The following ITPRID1 variants were observed in gnomAD, a reference collection of about 807,000 sequenced individuals.
The protein encoded by ITPRID1 is ITPR interacting domain containing 1, also known as protein ITPRID1.
ITPRID1 carries 96 observed loss-of-function variants against 95.4 expected under a neutral mutation model. That is an observed-to-expected ratio of 1.01 (90% CI 0.85 to 1.19). The LOEUF (loss-of-function observed/expected upper bound fraction) is 1.19. Ranked by LOEUF, ITPRID1 falls within the 50% of genes most tolerant of loss-of-function variation. The pLI is 0.00. For synonymous variants in ITPRID1, 510 were observed against 453.6 expected (o/e 1.12, Z -1.58); for missense variants, 1,339 against 1,252.9 (o/e 1.07, Z -1.04).
chr7:31,599,900 A>G lies in ITPRID1; in HGVS notation c.1228+16709A>G, dbSNP rs931167163. Among the ~76,000 whole-genome samples, 9 of 151,812 alleles carry G rather than the reference A, an allele frequency of 5.9e-5. No individual in the cohort carries two copies. In the South Asian group the frequency reaches 1.5e-3, roughly 25 times the overall value. ...TTTTTAGTGGAGACGGGGTTTCACT[A>G]TGTTAGCCAGGATGGTCTGGATCTC... On this transcript the variant is annotated intron_variant, in intron 10 of 14. Transcript: ENST00000615280.
At chr7:31,568,048 C>G (rs1420956558) in intron 5 of ITPRID1, among the ~76,000 whole-genome samples, 1 of 151,672 alleles carries the variant, frequency 6.6e-6, no homozygotes, top group Non-Finnish European at 1.5e-5. Flanking sequence ...ATCACTTGAA[C>G]TCGGGAGGCA....
chr7:31,533,949 C>T (rs761944328), intron 1 of ITPRID1, among the ~76,000 whole-genome samples: 2 of 152,134 alleles, frequency 1.3e-5, no homozygotes, highest in East Asian at 3.9e-4. Context: ...GGCGACCCAG[C>T]AGAAGGTGAG....
chr7:31,573,233 T>C (rs1003320207), intron 7 of ITPRID1, among the ~76,000 whole-genome samples: 1 of 152,224 alleles, frequency 6.6e-6, no homozygotes, highest in African/African-American at 2.4e-5. Context: ...TTATTTCAGA[T>C]GTTCTCACCA....
At chr7:31,619,828 G>A (rs1787644245) in intron 10 of ITPRID1, among the ~76,000 whole-genome samples, 2 of 152,182 alleles carry the variant, frequency 1.3e-5, no homozygotes, top group African/African-American at 4.8e-5. Flanking sequence ...GGAAGCGCAA[G>A]GGGTCAGGGA....
intron 12 of ITPRID1, among the ~76,000 whole-genome samples, chr7:31,646,625 G>A (rs1467433411): frequency 1.3e-5 from 2 of 152,180 alleles, no homozygotes; most frequent in East Asian, 3.9e-4. Flanking sequence ...TTGGGCATGA[G>A]TAGCCCCAGC....
chr7:31,616,993 ATATTCCAAGTGCATTCTTCTTTTCTTTAT>A (rs1787307891), intron 10 of ITPRID1, among the ~76,000 whole-genome samples: 2 of 152,138 alleles, frequency 1.3e-5, no homozygotes, highest in Admixed American at 1.3e-4. Flanking sequence ...CCTGTTGCTT[ATATTCCAAGTGCATTCTTCTTTTCTTTAT>A]GACAGACTGC....
chr7:31,599,692 CTT>C (rs369783672), intron 10 of ITPRID1, among the ~76,000 whole-genome samples: 1,368 of 114,906 alleles, frequency 0.012, 67 homozygotes, highest in African/African-American at 0.027. Flanking sequence ...CTCTCTCTCT[CTT>C]TCTTTCTTTC....
intron 5 of ITPRID1, among the ~76,000 whole-genome samples, chr7:31,558,464 G>T (rs1784523681): frequency 6.6e-6 from 1 of 151,996 alleles, no homozygotes; most frequent in African/African-American, 2.4e-5. Flanking sequence ...CTTTTGATGT[G>T]GTGCAATACT....
At chr7:31,608,663 A>T (rs1215150704) in intron 10 of ITPRID1, among the ~76,000 whole-genome samples, 1 of 151,696 alleles carries the variant, frequency 6.6e-6, no homozygotes, top group Non-Finnish European at 1.5e-5. Flanking sequence ...TGGGCTGCTT[A>T]TTGCTAGTAT....
At chr7:31,613,903 A>C (rs750018401) in intron 10 of ITPRID1, among the ~76,000 whole-genome samples, 1 of 152,222 alleles carries the variant, frequency 6.6e-6, no homozygotes, top group African/African-American at 2.4e-5. Flanking sequence ...TTGCTAATGC[A>C]TATGTAGGGG....
At chr7:31,562,240 C>T (rs1046761992) in intron 5 of ITPRID1, among the ~76,000 whole-genome samples, 1 of 152,006 alleles carries the variant, frequency 6.6e-6, no homozygotes, top group Non-Finnish European at 1.5e-5. Context: ...ACAATGAGTG[C>T]ACATTTTAAC....
rs771571868 is a variant in ITPRID1 at position 31,643,412 on chromosome 7, C to G, written c.2042C>G (p.Ser681Cys). 1.9e-6 allele frequency: 3 copies of G among 1,613,854 alleles called. No individual in the cohort carries two copies. The African/African-American group carries it at 4.0e-5, about 22-fold the overall frequency. The change falls in exon 12 of 15, where the codon TCT (serine) becomes TGT (cysteine). Residue 681 changes from serine (S) to cysteine (C), a missense_variant. By Grantham distance (112) the Ser-to-Cys change is moderately radical (BLOSUM62 -1). Transcript: ENST00000615280. ...GATCCTGCCCAGGTGAAGTCAAGGTCTGGTACTTTGGGTCAGATACTACCT... is the reference window on the plus strand; with the variant it reads ...GATCCTGCCCAGGTGAAGTCAAGGTGTGGTACTTTGGGTCAGATACTACCT... The part of the protein sequence containing the change: ...PGDPAQVKSR[S>C]GTLGQILPGT...
chr7:31,611,193 C>T (rs1786851615), intron 10 of ITPRID1, among the ~76,000 whole-genome samples: 1 of 151,298 alleles, frequency 6.6e-6, no homozygotes, highest in South Asian at 2.1e-4. Context: ...AGGATTAGTA[C>T]CAACAATTTC....
At chr7:31,625,213 G>A (rs187159739) in intron 10 of ITPRID1, among the ~76,000 whole-genome samples, 3,656 of 152,184 alleles carry the variant, frequency 0.024, 67 homozygotes, top group South Asian at 0.061. Flanking sequence ...AAGTCAGTGT[G>A]GCGATTCCTC....
At position 31,654,019 on chromosome 7, in the gene ITPRID1, T is replaced by G. The variant is rs1791162130; in HGVS notation, c.*1190T>G. Reference sequence around the variant, plus strand: ...CAGCCATAAATAAGACAGATGGACTTTCTACTCAGAAAGAGTTGGATGAAG... The same window carrying G: ...CAGCCATAAATAAGACAGATGGACTGTCTACTCAGAAAGAGTTGGATGAAG... On this transcript the variant is annotated 3_prime_UTR_variant, in exon 15 of 15. Coordinates refer to ENST00000615280, the MANE Select transcript of ITPRID1 (RefSeq NM_001257967.3). 1.3e-5 allele frequency among the ~76,000 whole-genome samples: 2 copies of G among 148,440 alleles called. No homozygotes were observed. Among genetic ancestry groups the G allele is most frequent in the South Asian group, 2.1e-4 (1 of 4,702 alleles).
chr7:31,532,404 T>A (rs1255684307), intron 1 of ITPRID1, among the ~76,000 whole-genome samples: 1 of 152,224 alleles, frequency 6.6e-6, no homozygotes, highest in Non-Finnish European at 1.5e-5. Context: ...ATAGAAATGA[T>A]GAGAGCAGAC....
rs767224679 is a variant in ITPRID1, at chr7:31,578,420, T to C, written c.1156T>C (p.Phe386Leu). The C allele has an allele frequency of 1.2e-6, 2 of 1,605,380 alleles. No homozygotes were observed. The change falls in exon 9 of 15, where the codon TTT becomes CTT. Residue 386 changes from phenylalanine (F) to leucine (L), a missense_variant. By Grantham distance (22) the Phe-to-Leu change is conservative. Transcript: ENST00000615280. ...SHLAGKGPDS[F>L]EMEEVQSFEE... is the part of the protein sequence containing the mutation. ...TCTTGCAGGCAAAGGACCAGACTCA[T>C]TTGAAATGGAAGAGGTCAGTGCTGC... is the stretch of plus-strand genomic sequence containing the variant.
chr7:31,522,816 G>T (rs528527270), intron 1 of ITPRID1, among the ~76,000 whole-genome samples: 54 of 152,222 alleles, frequency 3.5e-4, no homozygotes, highest in Non-Finnish European at 6.8e-4. Context: ...TCATAATATG[G>T]CAATTGAGTG....
intron 7 of ITPRID1, among the ~76,000 whole-genome samples, chr7:31,573,015 T>G (rs1785046428): frequency 6.6e-6 from 1 of 152,198 alleles, no homozygotes; most frequent in African/African-American, 2.4e-5. Flanking sequence ...CACCAGAATT[T>G]TTTTCTTCCT....
Sources: gnomAD v4.1 joint callset for allele counts (sites outside exome capture counted in the v4.1 genomes callset) on GRCh38, gnomAD v4.1.1 for gene constraint, MANE v1.5 for transcripts, NCBI Gene and HGNC (gene_info 2026-07-23, HGNC 2026-07-21) for gene names.